The following KCNN3 variants were observed in gnomAD, a reference collection of about 807,000 sequenced individuals.
The protein encoded by KCNN3 is potassium calcium-activated channel subfamily N member 3, also known as small conductance calcium-activated potassium channel protein 3.
In KCNN3, 16 loss-of-function variants were observed where a neutral mutation model predicts 62.9. The observed-to-expected ratio is 0.25, with a 90% CI of 0.17 to 0.39. The LOEUF (loss-of-function observed/expected upper bound fraction) is 0.39, where lower values mean the gene tolerates loss of function less well. KCNN3 is among the 10% of genes least tolerant of loss of function. KCNN3 has a pLI of 1.00. For missense variants in KCNN3, 599 were observed against 949.4 expected, an observed-to-expected ratio of 0.63 and a Z score of 4.85; for synonymous variants, 370 against 389.2, an observed-to-expected ratio of 0.95 and a Z score of 0.58.
chr1:154,758,609 T>G (rs1647848502), intron 3 of KCNN3, among the ~76,000 whole-genome samples: 2 of 152,130 alleles, frequency 1.3e-5, no homozygotes. Context: ...CAGGGGACTT[T>G]GGCTGCCCTT....
chr1:154,779,251 C>T (rs528289673), intron 2 of KCNN3, among the ~76,000 whole-genome samples: 1 of 152,324 alleles, frequency 6.6e-6, no homozygotes, highest in African/African-American at 2.4e-5. Context: ...TGCAACAAAA[C>T]TAATATATAA....
rs534177189 is a variant in KCNN3 at position 154,764,791 on chromosome 1, C to A, written c.1448+7184G>T. 1.9e-4 allele frequency among the ~76,000 whole-genome samples: 29 copies of A among 152,280 alleles called. No homozygotes were observed. The East Asian group carries it at 5.0e-3, about 26-fold the overall frequency. ...ATTAGAATTTGGAGTTTTGCAACTA[C>A]GCGTAAGTTTAGTCTTGATTTCATG... On this transcript the variant is annotated intron_variant, in intron 3 of 7. Transcript: ENST00000271915.
In KCNN3 at chr1:154,850,154, C is replaced by A. The variant is rs149920476; in HGVS notation, c.933+18878G>T. On this transcript the variant is annotated intron_variant, in intron 1 of 7. Coordinates refer to ENST00000271915, the MANE Select transcript of KCNN3 (RefSeq NM_002249.6). ...CCTCCACTCTAGGGGCAGAGCCAGG[C>A]GGCCCCACAGGCATTCCTTATGTTG... Among the ~76,000 whole-genome samples, 1,182 of 152,310 alleles carry A rather than the reference C, an allele frequency of 7.8e-3. 8 individuals are homozygous for A. The highest frequency in any genetic ancestry group is 0.011 in the Non-Finnish European group (733 of 68,028).
intron 4 of KCNN3, among the ~76,000 whole-genome samples, chr1:154,730,285 GT>G (rs1161595364): frequency 2.6e-5 from 4 of 152,194 alleles, no homozygotes; most frequent in Non-Finnish European, 5.9e-5. Context: ...CTGCTTAATG[GT>G]TGATAATTAC....
intron 1 of KCNN3, among the ~76,000 whole-genome samples, chr1:154,838,031 A>T (rs1011957535): frequency 1.3e-5 from 2 of 151,772 alleles, no homozygotes; most frequent in Admixed American, 1.3e-4. Context: ...TTCCTGGAGG[A>T]CTCACCCCTC....
chr1:154,836,171 C>T (rs1343815085), intron 1 of KCNN3, among the ~76,000 whole-genome samples: 1 of 152,212 alleles, frequency 6.6e-6, no homozygotes, highest in Non-Finnish European at 1.5e-5. Context: ...CAAACAAGGA[C>T]ACCCAGCACC....
intron 1 of KCNN3, among the ~76,000 whole-genome samples, chr1:154,840,446 G>A (rs1253918333): frequency 6.6e-6 from 1 of 152,164 alleles, no homozygotes; most frequent in East Asian, 1.9e-4. Flanking sequence ...CTTATTACAA[G>A]CAGAGGGCCA....
At chr1:154,731,755 C>T (rs983521817) in intron 4 of KCNN3, among the ~76,000 whole-genome samples, 1 of 152,182 alleles carries the variant, frequency 6.6e-6, no homozygotes. Flanking sequence ...GGGGGCTGTC[C>T]TTGGGAGGGT....
chr1:154,819,455 A>G (rs17719880), intron 2 of KCNN3, among the ~76,000 whole-genome samples: 33,976 of 152,100 alleles, frequency 0.22, 4,067 homozygotes, highest in African/African-American at 0.29. Flanking sequence ...GATTAATGCA[A>G]AGATAACTGT....
At chr1:154,716,498 AG>A (rs2101768836) in intron 5 of KCNN3, among the ~76,000 whole-genome samples, 1 of 152,366 alleles carries the variant, frequency 6.6e-6, no homozygotes, top group African/African-American at 2.4e-5. Flanking sequence ...TGGGAAGCCT[AG>A]GAAACATTGT....
intron 3 of KCNN3, among the ~76,000 whole-genome samples, chr1:154,755,283 A>C (rs1403888287): frequency 6.6e-6 from 1 of 151,856 alleles, no homozygotes; most frequent in Admixed American, 6.6e-5. Flanking sequence ...CAGCCTGGGC[A>C]ACATAGAGAG....
intron 1 of KCNN3, among the ~76,000 whole-genome samples, chr1:154,865,207 G>T (rs1336190228): frequency 1.3e-5 from 2 of 152,066 alleles, no homozygotes; most frequent in Non-Finnish European, 2.9e-5. Context: ...AGAAAATAAA[G>T]AACACTAAGA....
chr1:154,760,453 A>G (rs1369183979), intron 3 of KCNN3, among the ~76,000 whole-genome samples: 2 of 151,666 alleles, frequency 1.3e-5, no homozygotes, highest in African/African-American at 4.8e-5. Context: ...GACAGGAGCC[A>G]GGAGCTAGCA....
intron 1 of KCNN3, among the ~76,000 whole-genome samples, chr1:154,856,474 A>G (rs1226137846): frequency 6.6e-6 from 1 of 152,206 alleles, no homozygotes. Flanking sequence ...ACCTTCCCGC[A>G]GATGGCCAGT....
intron 2 of KCNN3, among the ~76,000 whole-genome samples, chr1:154,780,194 CTT>C (rs71077969): frequency 5.9e-5 from 6 of 102,044 alleles, no homozygotes; most frequent in Non-Finnish European, 9.3e-5. Flanking sequence ...TTCTTTTTTT[CTT>C]TTTTTTTTTT....
intron 1 of KCNN3, among the ~76,000 whole-genome samples, chr1:154,836,726 C>T (rs1286439725): frequency 1.3e-5 from 2 of 152,238 alleles, no homozygotes; most frequent in Admixed American, 1.3e-4. Flanking sequence ...TTAAGATTGT[C>T]AGCTAAAGGG....
intron 1 of KCNN3, among the ~76,000 whole-genome samples, chr1:154,848,012 C>T (rs1213958955): frequency 1.3e-5 from 2 of 152,204 alleles, no homozygotes; most frequent in African/African-American, 2.4e-5. Flanking sequence ...TCCCAAATCT[C>T]TGAAAACGAG....
intron 4 of KCNN3, among the ~76,000 whole-genome samples, chr1:154,731,288 C>T (rs951149953): frequency 3.3e-5 from 5 of 152,250 alleles, no homozygotes; most frequent in Non-Finnish European, 5.9e-5. Flanking sequence ...TCCTACTAAC[C>T]GATGGGAGGT....
chr1:154,782,689 C>A (rs971846819), intron 2 of KCNN3, among the ~76,000 whole-genome samples: 1 of 152,214 alleles, frequency 6.6e-6, no homozygotes, highest in Non-Finnish European at 1.5e-5. Context: ...AGACTGTGGG[C>A]CGAGCCAGGT....
Sources: allele counts gnomAD v4.1 joint callset (sites outside exome capture counted in the v4.1 genomes callset), GRCh38; gene constraint gnomAD v4.1.1; transcripts MANE v1.5; gene names NCBI Gene and HGNC (gene_info 2026-07-23, HGNC 2026-07-21).